Variants in GABRR1 observed in about 807,000 individuals in gnomAD.
GABRR1 encodes gamma-aminobutyric acid type A receptor subunit rho1, also known as gamma-aminobutyric acid receptor subunit rho-1.
Under a neutral mutation model 55.5 loss-of-function variants are expected in GABRR1, and 59 were observed. The ratio of observed to expected loss-of-function variants is 1.06; its 90% CI spans 0.86 to 1.32. The LOEUF (loss-of-function observed/expected upper bound fraction) is 1.32, where lower values mean the gene tolerates loss of function less well. Ranked by LOEUF, GABRR1 falls within the 40% of genes most tolerant of loss-of-function variation. The pLI is 0.00. For synonymous variants in GABRR1, 213 were observed against 226.0 expected (o/e 0.94, Z 0.51); for missense variants, 602 against 619.1 (o/e 0.97, Z 0.29).
chr6:89,185,366 TG>T lies in GABRR1; in HGVS notation c.739del (p.Gln247SerfsTer48). 6.2e-7 allele frequency: 1 copy of T among 1,613,942 alleles called. No individual in the cohort carries two copies. Among genetic ancestry groups the T allele is most frequent in the Non-Finnish European group, 8.5e-7 (1 of 1,179,838 alleles). On this transcript the variant is annotated frameshift_variant, in exon 7 of 10. Transcript: ENST00000454853. LOFTEE classifies it high-confidence loss of function. ...LKTDERISLS[Q>X]FLIQEFHTTT... Reference sequence around the variant, plus strand: ...GGTGTGGAATTCCTGAATGAGGAACTGGGAGAGTGAGATCCGTTCATCTGTC... The same window carrying T: ...GGTGTGGAATTCCTGAATGAGGAACTGGAGAGTGAGATCCGTTCATCTGTC...
chr6:89,184,285 T>C (rs1212552381), intron 7 of GABRR1, among the ~76,000 whole-genome samples: 1 of 149,704 alleles, frequency 6.7e-6, no homozygotes, highest in African/African-American at 2.5e-5. Flanking sequence ...ACTTCACCAC[T>C]ATACAATTCA....
At chr6:89,183,114 A>G (rs1463270625) in intron 7 of GABRR1, among the ~76,000 whole-genome samples, 1 of 148,808 alleles carries the variant, frequency 6.7e-6, no homozygotes, top group East Asian at 2.0e-4. Context: ...AAACATATGC[A>G]TGGAGGAGTT....
Position 89,199,395 on chromosome 6 carries a change from C to G in GABRR1, c.315G>C (p.Val105=), listed in dbSNP as rs1004152872. ...CCTCTGAGATGCTATCCAAACTCTC[C>G]ACCTGCACATCCACACCAACAGGAA... ...PAIPVGVDVQ[V]ESLDSISEVD... is the part of the protein sequence containing the mutation. The change falls in exon 4 of 10, where the codon GTG becomes GTC. Residue 105 remains valine, a synonymous_variant. Coordinates refer to ENST00000454853, the MANE Select transcript of GABRR1 (RefSeq NM_002042.5). 6 of 1,613,952 alleles carry G rather than the reference C, an allele frequency of 3.7e-6. No homozygotes were observed.
At chr6:89,179,551 A>G (rs1356540106) in intron 9 of GABRR1, among the ~76,000 whole-genome samples, 1 of 152,194 alleles carries the variant, frequency 6.6e-6, no homozygotes, top group Non-Finnish European at 1.5e-5. Context: ...TAAAATCTAC[A>G]TACTGACTCT....
At chr6:89,183,123 T>C in intron 7 of GABRR1, among the ~76,000 whole-genome samples, 1 of 137,784 alleles carries the variant, frequency 7.3e-6, no homozygotes, top group Non-Finnish European at 1.5e-5. Context: ...CATGGAGGAG[T>C]TGAAGAGAAA....
intron 5 of GABRR1, among the ~76,000 whole-genome samples, chr6:89,196,149 C>A (rs902255661): frequency 2.0e-5 from 3 of 152,024 alleles, no homozygotes; most frequent in Non-Finnish European, 4.4e-5. Context: ...AAAATATCAA[C>A]CAACATTCAT....
Position 89,180,296 on chromosome 6 carries a change from T to G in GABRR1, c.1142A>C (p.Glu381Ala), listed in dbSNP as rs1402020873. The change falls in exon 9 of 10, where the codon GAG (glutamate) becomes GCG (alanine). Residue 381 changes from glutamate to alanine, a missense_variant. By Grantham distance (107) the Glu-to-Ala change is moderately radical. Coordinates refer to ENST00000454853, the MANE Select transcript of GABRR1 (RefSeq NM_002042.5). Reference protein sequence around the residue: ...VQERKEQKLREKLPCTSGLPP... With the variant: ...VQERKEQKLRAKLPCTSGLPP... ...ATAAGCGCATGGCAAAGTCACCTTC[T>G]CCCGCAGCTTCTGTTCCTTCCTCTC... 6.2e-7 allele frequency: 1 copy of G among 1,612,888 alleles called. No homozygotes were observed. The highest frequency in any genetic ancestry group is 1.7e-5 in the Admixed American group (1 of 59,578).
chr6:89,203,561 C>T (rs1245321993), intron 1 of GABRR1, 76 bp from the exon 2 acceptor site: 19 of 1,062,616 alleles, frequency 1.8e-5, no homozygotes, highest in Non-Finnish European at 2.8e-5. Flanking sequence ...CCCTCTCCCT[C>T]CAGATTTGCT....
At chr6:89,200,914 G>A (rs1045459447) in intron 3 of GABRR1, among the ~76,000 whole-genome samples, 1 of 152,056 alleles carries the variant, frequency 6.6e-6, no homozygotes, top group Non-Finnish European at 1.5e-5. Context: ...CTCCCTCATC[G>A]TGAGCCATCC....
rs769520512 is a variant in GABRR1 at position 89,196,875 on chromosome 6, G to GAAAGAAAGAAAGAAAGAAAGAAAGA, written c.572+1144_572+1145insTCTTTCTTTCTTTCTTTCTTTCTTT. Among the ~76,000 whole-genome samples the GAAAGAAAGAAAGAAAGAAAGAAAGA allele has an allele frequency of 2.2e-3, 292 of 134,692 alleles. 7 individuals carry two copies. The highest frequency in any genetic ancestry group is 3.8e-3 in the Admixed American group (51 of 13,536). The allele number at this position is 134,692 out of a possible 152,430, so 88.4% of individuals were successfully genotyped here. A position where few individuals can be genotyped will look rare whatever the true frequency, so the allele number is the denominator to read the frequency against. On this transcript the variant is annotated intron_variant, in intron 5 of 9. Coordinates refer to ENST00000454853, the MANE Select transcript of GABRR1 (RefSeq NM_002042.5). ...AGAAAGAAAGAAAGAAAGAAAGAAA[G>GAAAGAAAGAAAGAAAGAAAGAAAGA]AAAGAGAAGAGAAGAAAAAAGAAAA...
In GABRR1 at chr6:89,198,104, G is replaced by C. The variant is rs1161007243; in HGVS notation, c.488C>G (p.Ser163Cys). ...GGTGTCGTGGATGAAGGAGCGTTTG[G>C]AGTGCACGAAAAACATGTCAGGGAC... ...IWVPDMFFVH[S>C]KRSFIHDTTT... is the part of the protein sequence containing the mutation. Residue 163 changes from serine (S) to cysteine (C), a missense_variant, in exon 5 of 10, where the codon TCC (serine) becomes TGC (cysteine). Ser to Cys is a moderately radical substitution (Grantham distance 112). This residue lies in a region of GABRR1 where 435 missense variants were observed against 424.2 expected (regional missense o/e 1.03). Transcript: ENST00000454853. 1.2e-5 allele frequency: 19 copies of C among 1,614,126 alleles called. No individual in the cohort carries two copies. Among genetic ancestry groups the C allele is most frequent in the Non-Finnish European group, 1.6e-5 (19 of 1,180,024 alleles).
chr6:89,188,584 T>C (rs1771986043), intron 6 of GABRR1, among the ~76,000 whole-genome samples: 1 of 150,208 alleles, frequency 6.7e-6, no homozygotes, highest in African/African-American at 2.5e-5. Context: ...TCAAGTCTTT[T>C]GTCCATTTTT....
rs377190546 is a variant in GABRR1, at chr6:89,185,816, G to A, written c.656-366C>T. Among the ~76,000 whole-genome samples, 14 of 152,292 alleles carry A rather than the reference G, an allele frequency of 9.2e-5. 1 individual carries two copies. The highest frequency in any genetic ancestry group is 3.9e-4 in the Admixed American group (6 of 15,298). ...TTCACATGGCTCAGCCTTATAAATG[G>A]AGAGTAATTTAGCCTTTTCCTTTCT... On this transcript the variant is annotated intron_variant, in intron 6 of 9. Coordinates refer to ENST00000454853, the MANE Select transcript of GABRR1 (RefSeq NM_002042.5).
intron 6 of GABRR1, 89 bp from the exon 7 acceptor site, chr6:89,185,539 C>T: frequency 1.8e-6 from 2 of 1,088,758 alleles, no homozygotes; most frequent in Non-Finnish European, 2.8e-6. Context: ...CCTGACCTCC[C>T]ACACTGACTA....
upstream of GABRR1, among the ~76,000 whole-genome samples, chr6:89,219,448 C>T (rs1773080072): frequency 6.6e-6 from 1 of 152,052 alleles, no homozygotes; most frequent in East Asian, 1.9e-4. Context: ...ACCTAAGGAG[C>T]CCAGCTTTTT....
chr6:89,183,747 T>C (rs1185266349), intron 7 of GABRR1, among the ~76,000 whole-genome samples: 2 of 150,776 alleles, frequency 1.3e-5, no homozygotes, highest in Admixed American at 6.6e-5. Context: ...TTATTCTAGG[T>C]GAAATAACTC....
chr6:89,204,676 C>T (rs772950106), intron 1 of GABRR1: 1 of 1,288,196 alleles, frequency 7.8e-7, no homozygotes, highest in South Asian at 1.2e-5. Flanking sequence ...ACTGCCTTTG[C>T]CTTCATGAAG....
At chr6:89,213,121 A>G (rs1041446844) in intron 1 of GABRR1, among the ~76,000 whole-genome samples, 1 of 152,206 alleles carries the variant, frequency 6.6e-6, no homozygotes, top group Non-Finnish European at 1.5e-5. Flanking sequence ...AGTGGAGACT[A>G]GAGTGAGGCA....
At chr6:89,202,326 G>A (rs1772505850) in intron 2 of GABRR1, among the ~76,000 whole-genome samples, 1 of 151,934 alleles carries the variant, frequency 6.6e-6, no homozygotes, top group Non-Finnish European at 1.5e-5. Context: ...CAGTCTCACT[G>A]TGTCACCCAG....
Sources: allele counts gnomAD v4.1 joint callset (sites outside exome capture counted in the v4.1 genomes callset), GRCh38; gene constraint gnomAD v4.1.1; regional missense constraint gnomAD v4.1.1; transcripts MANE v1.5; gene names NCBI Gene and HGNC (gene_info 2026-07-23, HGNC 2026-07-21).